The following KDM4C variants were observed in gnomAD, a reference collection of about 807,000 sequenced individuals.
The protein encoded by KDM4C is lysine demethylase 4C.
Under a neutral mutation model 129.3 loss-of-function variants are expected in KDM4C, and 81 were observed. The ratio of observed to expected loss-of-function variants is 0.63; its 90% CI spans 0.52 to 0.75. The LOEUF (loss-of-function observed/expected upper bound fraction) is 0.75, where lower values mean the gene tolerates loss of function less well. KDM4C is among the 30% of genes least tolerant of loss of function. The pLI is 0.00. For missense variants in KDM4C, 1,457 were observed against 1,304.0 expected, an observed-to-expected ratio of 1.12 and a Z score of -1.81; for synonymous variants, 573 against 456.1, an observed-to-expected ratio of 1.26 and a Z score of -3.26.
chr9:6,959,420 T>C (rs1829656955), intron 8 of KDM4C, among the ~76,000 whole-genome samples: 2 of 152,180 alleles, frequency 1.3e-5, no homozygotes, highest in African/African-American at 4.8e-5. Context: ...CCTTGAAGAA[T>C]GATTTCTGAA....
At position 6,888,025 on chromosome 9, in the gene KDM4C, C is replaced by A. The variant is rs1461125265; in HGVS notation, c.745C>A (p.Pro249Thr). 3 of 1,606,136 alleles carry A rather than the reference C, an allele frequency of 1.9e-6. No homozygotes were observed. Among genetic ancestry groups the A allele is most frequent in the Non-Finnish European group, 2.6e-6 (3 of 1,173,588 alleles). ...TCGCCACAAGATGACATTGATTTCT[C>A]CATCAGTATTGAAGAAATATGGTAT... ...FLRHKMTLIS[P>T]SVLKKYGIPF... Residue 249 changes from proline to threonine, a missense_variant, in exon 7 of 22, where the codon CCA becomes ACA. By Grantham distance (38) the Pro-to-Thr change is conservative. Transcript: ENST00000381309.
chr9:6,925,433 C>G, intron 8 of KDM4C: 1 of 928,134 alleles, frequency 1.1e-6, no homozygotes, highest in Non-Finnish European at 1.3e-6. Context: ...TCCTCCTTTC[C>G]CCTTTTCCTC....
intron 1 of KDM4C, chr9:6,748,928 G>A (rs747671299): frequency 8.6e-6 from 8 of 925,148 alleles, no homozygotes; most frequent in South Asian, 1.3e-5. Context: ...AGATGAGGTT[G>A]ATGGGCTGCA....
At chr9:7,147,007 T>A (rs1842279336) in intron 19 of KDM4C, among the ~76,000 whole-genome samples, 1 of 152,232 alleles carries the variant, frequency 6.6e-6, no homozygotes, top group Admixed American at 6.5e-5. Flanking sequence ...GGGAATTAAA[T>A]CTAGATGTGA....
chr9:6,969,635 A>G (rs1831599924), intron 8 of KDM4C, among the ~76,000 whole-genome samples: 1 of 152,220 alleles, frequency 6.6e-6, no homozygotes, highest in Non-Finnish European at 1.5e-5. Flanking sequence ...GCTGACTATC[A>G]AATCATTTTT....
chr9:6,760,545 T>C (rs1329395469), intron 1 of KDM4C, among the ~76,000 whole-genome samples: 1 of 84,930 alleles, frequency 1.2e-5, no homozygotes, highest in East Asian at 3.9e-4. Context: ...TACTCTTTTT[T>C]ATTTATTTAT....
intron 17 of KDM4C, among the ~76,000 whole-genome samples, chr9:7,091,069 A>G (rs1835739579): frequency 2.0e-5 from 3 of 152,128 alleles, no homozygotes; most frequent in African/African-American, 7.2e-5. Context: ...AACCCCCCCA[A>G]AACCTCCATT....
intron 5 of KDM4C, among the ~76,000 whole-genome samples, chr9:6,875,020 C>A (rs1843343020): frequency 6.6e-6 from 1 of 151,890 alleles, no homozygotes; most frequent in Non-Finnish European, 1.5e-5. Context: ...ATTGAGGATG[C>A]AGTTGCTGGT....
chr9:7,032,897 T>C (rs1300737492), intron 15 of KDM4C, among the ~76,000 whole-genome samples: 1 of 152,248 alleles, frequency 6.6e-6, no homozygotes, highest in Non-Finnish European at 1.5e-5. Flanking sequence ...ATTAGCATTA[T>C]TGGTTGGATG....
intron 1 of KDM4C, among the ~76,000 whole-genome samples, chr9:6,732,826 A>G (rs1817397230): frequency 6.6e-6 from 1 of 152,220 alleles, no homozygotes; most frequent in African/African-American, 2.4e-5. Context: ...CAGCCTGGCC[A>G]GCATGGCGAA....
intron 19 of KDM4C, among the ~76,000 whole-genome samples, chr9:7,148,123 G>C (rs1052412075): frequency 2.6e-5 from 4 of 152,260 alleles, no homozygotes; most frequent in African/African-American, 9.6e-5. Flanking sequence ...GGCTGGACCA[G>C]ATATACGACA....
intron 16 of KDM4C, 85 bp downstream of exon 16, chr9:7,047,002 C>A: frequency 1.1e-6 from 1 of 949,028 alleles, no homozygotes; most frequent in Non-Finnish European, 1.7e-6. Context: ...CTTTACCTCT[C>A]ATTGTACACG....
chr9:6,740,818 C>A (rs1001189425), intron 1 of KDM4C, among the ~76,000 whole-genome samples: 1 of 122,474 alleles, frequency 8.2e-6, no homozygotes, highest in East Asian at 2.1e-4. Flanking sequence ...TGTATCCAGC[C>A]AGTAGTATAA....
At chr9:7,094,067 A>T (rs1046280213) in intron 17 of KDM4C, among the ~76,000 whole-genome samples, 1 of 152,344 alleles carries the variant, frequency 6.6e-6, no homozygotes, top group East Asian at 1.9e-4. Flanking sequence ...TTCATGAGGA[A>T]TAGGTGCTGT....
intron 1 of KDM4C, chr9:6,748,822 T>C (rs752881303): frequency 3.1e-6 from 4 of 1,293,482 alleles, no homozygotes; most frequent in Non-Finnish European, 2.2e-6. Flanking sequence ...ACAAGGTTCA[T>C]ATACTCATCA....
chr9:7,077,943 C>A (rs1834109826), intron 17 of KDM4C, among the ~76,000 whole-genome samples: 1 of 152,160 alleles, frequency 6.6e-6, no homozygotes, highest in African/African-American at 2.4e-5. Flanking sequence ...GGATCAAAGA[C>A]CTCCAGGTTC....
At chr9:7,155,201 A>G (rs77916589) in intron 19 of KDM4C, among the ~76,000 whole-genome samples, 1,597 of 152,248 alleles carry the variant, frequency 0.01, 28 homozygotes, top group African/African-American at 0.036. Flanking sequence ...GCTGTGCTCT[A>G]GTGCCTGGTT....
rs115320803 is a variant in KDM4C at position 6,759,631 on chromosome 9, A to C, written c.-18+1428A>C. On this transcript the variant is annotated intron_variant, in intron 1 of 21. Transcript: ENST00000381309. ...AACCGAAGACTTATTTCTTTTTATT[A>C]ACAGACTTTAGTCAGTTGCTTTTCT... Among the ~76,000 whole-genome samples the C allele has an allele frequency of 5.4e-3, 815 of 152,250 alleles. 7 individuals are homozygous for C. Among genetic ancestry groups the C allele is most frequent in the African/African-American group, 0.019 (774 of 41,550 alleles).
intron 8 of KDM4C, among the ~76,000 whole-genome samples, chr9:6,961,025 A>G (rs572848342): frequency 6.6e-6 from 1 of 152,304 alleles, no homozygotes; most frequent in South Asian, 2.1e-4. Flanking sequence ...GGTGGCTTCT[A>G]GGACACTCTC....
Sources: allele counts gnomAD v4.1 joint callset (sites outside exome capture counted in the v4.1 genomes callset), GRCh38; gene constraint gnomAD v4.1.1; transcripts MANE v1.5; gene names NCBI Gene and HGNC (gene_info 2026-07-23, HGNC 2026-07-21).